MAST2: variants seen among roughly 807,000 people sequenced by gnomAD.
The protein encoded by MAST2 is microtubule associated serine/threonine kinase 2.
A neutral mutation model predicts 147.4 loss-of-function variants in MAST2; 70 were observed. The observed-to-expected ratio is 0.47, with a 90% CI of 0.39 to 0.58. The LOEUF is 0.58. Among genes scored for constraint, MAST2 ranks in the 20% least tolerant of loss-of-function variants. The pLI, the probability that MAST2 is intolerant of heterozygous loss-of-function variation, is 0.00. For synonymous variants in MAST2, 869 were observed against 896.8 expected, an observed-to-expected ratio of 0.97 and a Z score of 0.55; for missense variants, 2,080 against 2,302.3, an observed-to-expected ratio of 0.90 and a Z score of 1.98.
chr1:45,866,178 A>G (rs1437681351), intron 3 of MAST2, among the ~76,000 whole-genome samples: 1 of 152,188 alleles, frequency 6.6e-6, no homozygotes, highest in Admixed American at 6.5e-5. Context: ...TGTACTTCTT[A>G]TTGATGGTGC....
intron 11 of MAST2, among the ~76,000 whole-genome samples, chr1:46,021,567 A>G (rs1429009344): frequency 6.6e-6 from 1 of 152,234 alleles, no homozygotes; most frequent in Non-Finnish European, 1.5e-5. Context: ...GGGCTTTGCC[A>G]AAGCTCTTGT....
At chr1:45,994,627 T>G (rs1378186459) in intron 5 of MAST2, among the ~76,000 whole-genome samples, 1 of 152,006 alleles carries the variant, frequency 6.6e-6, no homozygotes. Flanking sequence ...GGTTGGTCTT[T>G]CAGGTGTGGC....
Position 46,023,609 on chromosome 1 carries a change from G to A in MAST2, c.1572-163G>A, listed in dbSNP as rs965132113. On this transcript the variant is annotated intron_variant, in intron 14 of 28. Coordinates refer to ENST00000361297, the MANE Select transcript of MAST2 (RefSeq NM_015112.3). This position sits in a 1 kb window ranked among gnomAD's most constrained non-coding sequence, Gnocchi z 4.9. ...ACATGGTCTATCAAGAAGTTTAAGA[G>A]TTCTATGGACCAGGGGGTCCCAGAC... is the stretch of plus-strand genomic sequence containing the variant. 2.2e-5 allele frequency: 15 copies of A among 667,930 alleles called. No individual in the cohort carries two copies. Among genetic ancestry groups the A allele is most frequent in the African/African-American group, 3.6e-5 (2 of 55,064 alleles). The allele number at this position is 667,930 out of a possible 1,614,324, so 41.4% of individuals were successfully genotyped here.
intron 4 of MAST2, among the ~76,000 whole-genome samples, chr1:45,931,296 A>T (rs1204724734): frequency 6.6e-6 from 1 of 150,432 alleles, no homozygotes; most frequent in African/African-American, 2.5e-5. Context: ...TTTAATTTGA[A>T]TTTGTCTGTT....
intron 3 of MAST2, among the ~76,000 whole-genome samples, chr1:45,871,026 A>G (rs1570459714): frequency 6.6e-6 from 1 of 150,566 alleles, no homozygotes; most frequent in South Asian, 2.1e-4. Flanking sequence ...CAGCCTTTTC[A>G]TATCAGTTTG....
intron 4 of MAST2, among the ~76,000 whole-genome samples, chr1:45,910,737 A>C (rs892223430): frequency 6.6e-6 from 1 of 152,222 alleles, no homozygotes; most frequent in Non-Finnish European, 1.5e-5. Context: ...GACAGGAAGG[A>C]TATAACAGTT....
At chr1:45,835,967 CT>C (rs918358342) in intron 3 of MAST2, among the ~76,000 whole-genome samples, 23 of 152,260 alleles carry the variant, frequency 1.5e-4, no homozygotes, top group Middle Eastern at 6.8e-3. Context: ...GAATAAGATT[CT>C]GTTGTATGGG....
intron 1 of MAST2, among the ~76,000 whole-genome samples, chr1:45,812,700 C>T (rs1446522193): frequency 1.3e-5 from 2 of 152,164 alleles, no homozygotes; most frequent in Admixed American, 6.5e-5. Context: ...GCTGGGATTA[C>T]AAGCATCGGC....
intron 9 of MAST2, 121 bp from the exon 10 acceptor site, chr1:46,010,609 C>A: frequency 1.3e-6 from 1 of 748,150 alleles, no homozygotes; most frequent in Non-Finnish European, 2.2e-6. Flanking sequence ...TCCCAAATGG[C>A]AGTTTAAGGA....
chr1:45,954,179 CT>C (rs1164589212), intron 4 of MAST2, among the ~76,000 whole-genome samples: 5 of 152,150 alleles, frequency 3.3e-5, no homozygotes, highest in African/African-American at 4.8e-5. Context: ...CTGGAGAGAC[CT>C]AAGGGATCTG....
In MAST2 at chr1:45,847,556, A is replaced by T. The variant is rs1037757276; in HGVS notation, c.468+17975A>T. ...TTTGAGCTGCTTTTCTACTATATGGATGAATGACTTTTTTTCCCATCCTGC... is the reference window on the plus strand; with the variant it reads ...TTTGAGCTGCTTTTCTACTATATGGTTGAATGACTTTTTTTCCCATCCTGC... On this transcript the variant is annotated intron_variant, in intron 3 of 28. Transcript: ENST00000361297. 1.5e-5 allele frequency: 12 copies of T among 818,282 alleles called. No individual in the cohort carries two copies. In the African/African-American group the frequency reaches 2.1e-4, roughly 14 times the overall value. 50.7% of individuals were successfully genotyped at this position (818,282 alleles called of 1,614,324 possible).
chr1:45,823,675 C>G (rs959426249), intron 1 of MAST2, among the ~76,000 whole-genome samples: 1 of 152,126 alleles, frequency 6.6e-6, no homozygotes, highest in Non-Finnish European at 1.5e-5. Flanking sequence ...CTGTCTAGAT[C>G]AGTTTGATGT....
At chr1:45,847,516 G>A (rs1461768064) in intron 3 of MAST2, 3 of 789,464 alleles carry the variant, frequency 3.8e-6, no homozygotes, top group Non-Finnish European at 6.1e-6. Flanking sequence ...TCTTATTTGT[G>A]GGCCTCTCTC....
chr1:45,906,517 G>C (rs1650749282), intron 4 of MAST2, among the ~76,000 whole-genome samples: 1 of 148,398 alleles, frequency 6.7e-6, no homozygotes, highest in African/African-American at 2.6e-5. Flanking sequence ...GTTACAGTAA[G>C]CTAAGATTAA....
At chr1:45,914,206 G>C (rs903015148) in intron 4 of MAST2, among the ~76,000 whole-genome samples, 3 of 152,148 alleles carry the variant, frequency 2.0e-5, no homozygotes, top group Non-Finnish European at 2.9e-5. Flanking sequence ...TACAAACCCC[G>C]TGAATGTGAG....
intron 1 of MAST2, 60 bp downstream of exon 1, chr1:45,804,132 T>G: frequency 7.9e-7 from 1 of 1,266,042 alleles, no homozygotes; most frequent in East Asian, 3.2e-5. Flanking sequence ...GGAGGGGATC[T>G]TCGGCGGGAG....
chr1:45,853,534 A>G (rs1645689975), intron 3 of MAST2, among the ~76,000 whole-genome samples: 1 of 151,726 alleles, frequency 6.6e-6, no homozygotes, highest in African/African-American at 2.4e-5. Flanking sequence ...TTGTATTTTT[A>G]GTAGAGACAG....
chr1:45,847,310 G>T, intron 3 of MAST2: 1 of 500,526 alleles, frequency 2.0e-6, no homozygotes, highest in Admixed American at 2.3e-5. Context: ...GCTTGTCCCT[G>T]ATACTGTTAT....
chr1:46,021,560 C>T (rs1179165482), intron 11 of MAST2, among the ~76,000 whole-genome samples: 1 of 152,204 alleles, frequency 6.6e-6, no homozygotes, highest in Admixed American at 6.5e-5. Flanking sequence ...ACCAGTAGGG[C>T]TTTGCCAAAG....
Sources: allele counts gnomAD v4.1 joint callset (sites outside exome capture counted in the v4.1 genomes callset), GRCh38; gene constraint gnomAD v4.1.1; non-coding constraint Gnocchi (gnomAD v3.1); transcripts MANE v1.5; gene names NCBI Gene and HGNC (gene_info 2026-07-23, HGNC 2026-07-21).